The following MAGI2 variants were observed in gnomAD, a reference collection of about 807,000 sequenced individuals.
MAGI2 encodes membrane associated guanylate kinase, WW and PDZ domain containing 2, also known as membrane-associated guanylate kinase, WW and PDZ domain-containing protein 2.
In MAGI2, 35 loss-of-function variants were observed where a neutral mutation model predicts 133.3. That is an observed-to-expected ratio of 0.26 (90% CI 0.20 to 0.35). MAGI2 has a LOEUF of 0.35. Ranked by LOEUF, MAGI2 falls within the 10% of genes least tolerant of loss-of-function variation. The probability of loss-of-function intolerance (pLI) is 1.00; values close to 1 mark genes in which losing one functional copy is unlikely to be tolerated. For synonymous variants in MAGI2, 729 were observed against 710.6 expected (o/e 1.03, Z -0.41); for missense variants, 1,636 against 1,863.4 (o/e 0.88, Z 2.25).
At chr7:78,631,026 T>G (rs1042720468) in intron 2 of MAGI2, among the ~76,000 whole-genome samples, 1 of 152,094 alleles carries the variant, frequency 6.6e-6, no homozygotes, top group Non-Finnish European at 1.5e-5. Flanking sequence ...TCCATCCTCA[T>G]GGTGGCTGAG....
At chr7:78,193,941 CT>C (rs755074184) in intron 12 of MAGI2, among the ~76,000 whole-genome samples, 10 of 152,148 alleles carry the variant, frequency 6.6e-5, no homozygotes, top group Non-Finnish European at 1.3e-4. Context: ...AGCCCCTGAG[CT>C]CATCAAAAGA....
chr7:78,687,757 C>T (rs555430056), intron 2 of MAGI2, among the ~76,000 whole-genome samples: 7 of 151,612 alleles, frequency 4.6e-5, no homozygotes, highest in East Asian at 3.9e-4. Flanking sequence ...TCATTTGAGG[C>T]GAGGAGTTCA....
chr7:79,290,104 A>G (rs1585443611), intron 1 of MAGI2, among the ~76,000 whole-genome samples: 1 of 151,976 alleles, frequency 6.6e-6, no homozygotes, highest in Non-Finnish European at 1.5e-5. Flanking sequence ...TATTAACTAC[A>G]TATTGCATAC....
intron 2 of MAGI2, among the ~76,000 whole-genome samples, chr7:78,868,382 G>A (rs1241530436): frequency 6.6e-6 from 1 of 152,168 alleles, no homozygotes; most frequent in African/African-American, 2.4e-5. Flanking sequence ...ATATCCCTAG[G>A]TTCACAAAGA....
At chr7:79,446,545 T>C (rs1848865920) in intron 1 of MAGI2, among the ~76,000 whole-genome samples, 1 of 152,152 alleles carries the variant, frequency 6.6e-6, no homozygotes, top group Non-Finnish European at 1.5e-5. Context: ...AACGATTACA[T>C]GGAGAAATTA....
At chr7:78,501,895 A>C (rs897855564) in intron 4 of MAGI2, 108 bp from the exon 5 acceptor site, 12 of 742,964 alleles carry the variant, frequency 1.6e-5, no homozygotes, top group East Asian at 8.1e-5. Context: ...ACTTCTATGA[A>C]GGCTAACAGG....
Position 78,825,536 on chromosome 7 carries a change from G to A in MAGI2, c.418+181554C>T, listed in dbSNP as rs183499015. Among the ~76,000 whole-genome samples the A allele has an allele frequency of 1.2e-4, 18 of 152,126 alleles. No homozygotes were observed. In the East Asian group the frequency reaches 2.9e-3, roughly 25 times the overall value. ...ACATCATTTTAAGGCACTATTTAAT[G>A]GGCACTTTATTAAATTGAAGGATTA... On this transcript the variant is annotated intron_variant, in intron 2 of 21. Coordinates refer to ENST00000354212, the MANE Select transcript of MAGI2 (RefSeq NM_012301.4).
chr7:79,077,600 T>G (rs5013614), intron 1 of MAGI2, among the ~76,000 whole-genome samples: 3 of 41,500 alleles, frequency 7.2e-5, no homozygotes, highest in Non-Finnish European at 1.8e-4. Context: ...AAAAAATAAA[T>G]AAATAAATAA....
At position 78,158,076 on chromosome 7, in the gene MAGI2, T is replaced by A. The variant is rs191898710; in HGVS notation, c.2845+1949A>T. The stretch of plus-strand genomic sequence containing the variant: ...TTTTGATAACATTAACTTTATCACA[T>A]AAAGTTCTTATTCATTCTCAACAAC... On this transcript the variant is annotated intron_variant, in intron 16 of 21. Transcript: ENST00000354212. 1.1e-4 allele frequency: 16 copies of A among 152,354 alleles called. No individual in the cohort carries two copies. In the East Asian group the frequency reaches 2.3e-3, roughly 22 times the overall value. The allele number at this position is 152,354 out of a possible 1,614,324, so 9.4% of individuals were successfully genotyped here.
intron 20 of MAGI2, among the ~76,000 whole-genome samples, chr7:78,091,788 G>T (rs925512028): frequency 6.6e-6 from 1 of 152,152 alleles, no homozygotes; most frequent in Non-Finnish European, 1.5e-5. Flanking sequence ...CAGAGATAAA[G>T]GTTTCTTCTA....
chr7:79,335,983 G>T (rs981798914), intron 1 of MAGI2, among the ~76,000 whole-genome samples: 11 of 151,902 alleles, frequency 7.2e-5, no homozygotes, highest in Non-Finnish European at 1.3e-4. Flanking sequence ...CTTTCTTTCA[G>T]CACTTAACAT....
intron 7 of MAGI2, among the ~76,000 whole-genome samples, chr7:78,359,717 G>C (rs1792578251): frequency 6.6e-6 from 1 of 152,118 alleles, no homozygotes; most frequent in Non-Finnish European, 1.5e-5. Flanking sequence ...ACAAAAAGTA[G>C]AAATGGAAAG....
chr7:78,025,807 A>G (rs1808855132), intron 21 of MAGI2, among the ~76,000 whole-genome samples: 1 of 152,320 alleles, frequency 6.6e-6, no homozygotes, highest in East Asian at 1.9e-4. Context: ...GAGGCCCCTT[A>G]GGATGGACAG....
intron 3 of MAGI2, among the ~76,000 whole-genome samples, chr7:78,623,108 A>G (rs753713803): frequency 2.3e-4 from 35 of 152,226 alleles, no homozygotes; most frequent in Admixed American, 6.6e-4. Flanking sequence ...CTGATATTAA[A>G]TGTCATGACA....
At chr7:78,628,721 T>A (rs1476827521) in intron 2 of MAGI2, among the ~76,000 whole-genome samples, 1 of 150,512 alleles carries the variant, frequency 6.6e-6, no homozygotes. Flanking sequence ...GAGTCACATT[T>A]TGCAATATTT....
intron 9 of MAGI2, among the ~76,000 whole-genome samples, chr7:78,296,874 C>T (rs2151059638): frequency 6.6e-6 from 1 of 152,314 alleles, no homozygotes; most frequent in South Asian, 2.1e-4. Flanking sequence ...GAAAGGCTCA[C>T]CTGGCAAAGC....
At chr7:78,348,837 C>A (rs1311840947) in intron 7 of MAGI2, among the ~76,000 whole-genome samples, 1 of 152,118 alleles carries the variant, frequency 6.6e-6, no homozygotes, top group African/African-American at 2.4e-5. Flanking sequence ...GGTGGGAGAT[C>A]AATAGAATTG....
chr7:79,026,025 C>T (rs192267227), intron 1 of MAGI2, among the ~76,000 whole-genome samples: 115 of 152,284 alleles, frequency 7.6e-4, no homozygotes, highest in African/African-American at 2.5e-3. Context: ...ACTTACCAGG[C>T]ATACTGCTCT....
Position 79,007,293 on chromosome 7 carries a change from C to A in MAGI2, c.302-87G>T, listed in dbSNP as rs969300519. On this transcript the variant is annotated intron_variant, in intron 1 of 21. Coordinates refer to ENST00000354212, the MANE Select transcript of MAGI2 (RefSeq NM_012301.4). ...ATTCTGTCATCAATATACTCAGGAA[C>A]CCATTAAAAAGATGCATTATTTCAA... 7.2e-5 allele frequency: 52 copies of A among 718,612 alleles called. No homozygotes were observed. The African/African-American group carries it at 8.3e-4, about 12-fold the overall frequency. 44.5% of individuals were successfully genotyped at this position (718,612 alleles called of 1,614,324 possible).
Sources: allele counts gnomAD v4.1 joint callset (sites outside exome capture counted in the v4.1 genomes callset), GRCh38; gene constraint gnomAD v4.1.1; transcripts MANE v1.5; gene names NCBI Gene and HGNC (gene_info 2026-07-23, HGNC 2026-07-21).